Variants in PIGK observed in about 807,000 individuals in gnomAD.
The protein encoded by PIGK is phosphatidylinositol glycan anchor biosynthesis class K.
In PIGK, 42 loss-of-function variants were observed where a neutral mutation model predicts 50.6. The observed-to-expected ratio is 0.83, with a 90% CI of 0.65 to 1.07. The LOEUF (loss-of-function observed/expected upper bound fraction) is 1.07, where lower values mean the gene tolerates loss of function less well. Among genes scored for constraint, PIGK ranks in the 50% least tolerant of loss-of-function variants. The probability of loss-of-function intolerance (pLI) is 0.00; values close to 1 mark genes in which losing one functional copy is unlikely to be tolerated. For synonymous variants in PIGK, 151 were observed against 156.0 expected (o/e 0.97, Z 0.24); for missense variants, 448 against 488.7 (o/e 0.92, Z 0.78).
At chr1:77,156,812 A>G (rs775533785) in intron 8 of PIGK, among the ~76,000 whole-genome samples, 5 of 152,330 alleles carry the variant, frequency 3.3e-5, no homozygotes, top group East Asian at 3.9e-4. Flanking sequence ...TAGATATTCA[A>G]TGAGCATCTA....
chr1:77,208,239 T>C (rs921314293), intron 2 of PIGK, among the ~76,000 whole-genome samples: 2 of 152,056 alleles, frequency 1.3e-5, no homozygotes, highest in Non-Finnish European at 2.9e-5. Flanking sequence ...AAACTCCCTT[T>C]TTAATTTTAA....
chr1:77,122,538 T>C (rs1411573990), intron 9 of PIGK, among the ~76,000 whole-genome samples, 179 bp from the exon 10 acceptor site: 3 of 152,196 alleles, frequency 2.0e-5, no homozygotes, highest in African/African-American at 7.2e-5. Flanking sequence ...ACTATAGAAG[T>C]ATTCAGACTA....
chr1:77,138,480 T>C (rs887948501), intron 9 of PIGK, among the ~76,000 whole-genome samples: 1 of 152,202 alleles, frequency 6.6e-6, no homozygotes, highest in African/African-American at 2.4e-5. Flanking sequence ...TTGTCAACAA[T>C]GAGTGAGCTT....
At chr1:77,194,932 A>C (rs955210507) in intron 3 of PIGK, 2 of 540,824 alleles carry the variant, frequency 3.7e-6, no homozygotes, top group Middle Eastern at 9.3e-4. Flanking sequence ...AAGTCATGGA[A>C]CTGAAAAAGC....
In PIGK at chr1:77,161,353, TA is replaced by T; in HGVS notation, c.754del (p.Tyr252MetfsTer17). 1.2e-6 allele frequency: 2 copies of T among 1,607,712 alleles called. No individual in the cohort carries two copies. The highest frequency in any genetic ancestry group is 8.5e-7 in the Non-Finnish European group (1 of 1,174,270). On this transcript the variant is annotated frameshift_variant, in exon 8 of 11. Coordinates refer to ENST00000370812, the MANE Select transcript of PIGK (RefSeq NM_005482.3). LOFTEE classifies it high-confidence loss of function. ...AATTTCTTCCAAAAATTCCAAGACATAAAATGTGTATCTATCCATAAGATGG... is the reference window on the plus strand; with the variant it reads ...AATTTCTTCCAAAAATTCCAAGACATAAATGTGTATCTATCCATAAGATGG... ...GVHLMDRYTF[Y>X]VLEFLEEINP...
intron 10 of PIGK, among the ~76,000 whole-genome samples, chr1:77,098,807 G>C (rs1054683066): frequency 6.6e-6 from 1 of 151,996 alleles, no homozygotes; most frequent in African/African-American, 2.4e-5. Flanking sequence ...AAATGGAACA[G>C]GGAAATATTT....
chr1:77,107,711 T>G (rs1653722245), intron 10 of PIGK, among the ~76,000 whole-genome samples: 1 of 152,162 alleles, frequency 6.6e-6, no homozygotes, highest in Non-Finnish European at 1.5e-5. Flanking sequence ...CCATTATTAT[T>G]GTGTGGGAGT....
chr1:77,137,949 A>G (rs1381233226), intron 9 of PIGK, among the ~76,000 whole-genome samples: 1 of 152,172 alleles, frequency 6.6e-6, no homozygotes, highest in East Asian at 1.9e-4. Context: ...TGTATTTTGT[A>G]ATTGATAAGT....
rs1197832724 is a variant in PIGK at position 77,188,432 on chromosome 1, T to G, written c.239+18208A>C. ...TTATTAGGAAGAGGAAATTCCCACCTAATAAATTTTGGTCAGACCGGTTGA... is the reference window on the plus strand; with the variant it reads ...TTATTAGGAAGAGGAAATTCCCACCGAATAAATTTTGGTCAGACCGGTTGA... On this transcript the variant is annotated intron_variant, in intron 3 of 10. Transcript: ENST00000370812. 2.0e-5 allele frequency among the ~76,000 whole-genome samples: 3 copies of G among 152,296 alleles called. No individual in the cohort carries two copies. In the East Asian group the frequency reaches 5.8e-4, roughly 29 times the overall value.
chr1:77,176,152 TG>T (rs974913065), intron 3 of PIGK, among the ~76,000 whole-genome samples: 1 of 152,182 alleles, frequency 6.6e-6, no homozygotes, highest in Non-Finnish European at 1.5e-5. Flanking sequence ...TTTGGCTAAA[TG>T]AATGACTATG....
chr1:77,139,867 A>G (rs1345853065), intron 9 of PIGK, among the ~76,000 whole-genome samples: 1 of 152,210 alleles, frequency 6.6e-6, no homozygotes, highest in Non-Finnish European at 1.5e-5. Context: ...ATTCTTTATT[A>G]TTAACTTCAA....
chr1:77,140,668 T>G (rs181673820), intron 9 of PIGK, among the ~76,000 whole-genome samples: 1 of 152,262 alleles, frequency 6.6e-6, no homozygotes, highest in East Asian at 1.9e-4. Context: ...TTTTACTATA[T>G]CTAACTTTCA....
intron 9 of PIGK, among the ~76,000 whole-genome samples, chr1:77,144,494 A>G (rs1052563847): frequency 6.6e-6 from 1 of 151,954 alleles, no homozygotes; most frequent in Non-Finnish European, 1.5e-5. Flanking sequence ...TGACATATTT[A>G]AGAATATTAA....
intron 8 of PIGK, 86 bp from the exon 9 acceptor site, chr1:77,154,707 T>C (rs117758925): frequency 1.3e-5 from 11 of 879,480 alleles, no homozygotes; most frequent in Non-Finnish European, 1.4e-5. Context: ...TAAACTATAG[T>C]GTATTTTTAA....
chr1:77,215,196 A>G (rs1265701450), intron 1 of PIGK, among the ~76,000 whole-genome samples: 2 of 152,140 alleles, frequency 1.3e-5, no homozygotes, highest in African/African-American at 4.8e-5. Flanking sequence ...AACATCCAAA[A>G]TATACAAGGA....
intron 9 of PIGK, among the ~76,000 whole-genome samples, chr1:77,144,850 AT>A (rs1654731758): frequency 6.6e-6 from 1 of 151,938 alleles, no homozygotes; most frequent in African/African-American, 2.4e-5. Flanking sequence ...AATTTCTGAA[AT>A]TTCATTTTAA....
intron 9 of PIGK, among the ~76,000 whole-genome samples, chr1:77,125,252 G>C (rs1447873776): frequency 2.6e-5 from 4 of 152,032 alleles, no homozygotes; most frequent in Non-Finnish European, 5.9e-5. Flanking sequence ...ACATGTTTCT[G>C]TATTTTTTAT....
chr1:77,094,762 A>G (rs1465177557), intron 10 of PIGK, among the ~76,000 whole-genome samples: 1 of 152,128 alleles, frequency 6.6e-6, no homozygotes, highest in Non-Finnish European at 1.5e-5. Context: ...CCTGGCAGCT[A>G]TTTTGACCCA....
intron 3 of PIGK, among the ~76,000 whole-genome samples, chr1:77,170,757 A>G (rs780735423): frequency 6.6e-6 from 1 of 152,224 alleles, no homozygotes; most frequent in Non-Finnish European, 1.5e-5. Context: ...CAATCAGGAA[A>G]TTCTCCATTC....
Sources: allele counts gnomAD v4.1 joint callset (sites outside exome capture counted in the v4.1 genomes callset), GRCh38; gene constraint gnomAD v4.1.1; transcripts MANE v1.5; gene names NCBI Gene and HGNC (gene_info 2026-07-23, HGNC 2026-07-21).